C1QTNF7: variants seen among roughly 807,000 people sequenced by gnomAD.
C1QTNF7 encodes the protein complement C1q tumor necrosis factor-related protein 7.
A neutral mutation model predicts 19.6 loss-of-function variants in C1QTNF7; 15 were observed. The ratio of observed to expected loss-of-function variants is 0.76; its 90% CI spans 0.51 to 1.18. C1QTNF7 has a LOEUF of 1.18. Among genes scored for constraint, C1QTNF7 ranks in the 50% most tolerant of loss-of-function variants. C1QTNF7 has a pLI of 0.00. For synonymous variants in C1QTNF7, 142 were observed against 137.5 expected, an observed-to-expected ratio of 1.03 and a Z score of -0.23; for missense variants, 324 against 359.7, an observed-to-expected ratio of 0.90 and a Z score of 0.80.
chr4:15,391,116 C>G (rs907996699), intron 1 of C1QTNF7, among the ~76,000 whole-genome samples: 1 of 151,878 alleles, frequency 6.6e-6, no homozygotes, highest in East Asian at 2.0e-4. Flanking sequence ...TCCAGGTGCT[C>G]TAAGCATACG....
Position 15,349,537 on chromosome 4 carries a change from A to G in C1QTNF7, c.13+9330A>G, listed in dbSNP as rs562876966. Among the ~76,000 whole-genome samples the G allele has an allele frequency of 3.3e-5, 5 of 152,318 alleles. No individual in the cohort carries two copies. The South Asian group carries it at 1.0e-3, about 32-fold the overall frequency. ...AAAGCAAAGCCATGACATGAGGAGGAGGAGGAACAAAATATGTGAACCACA... is the reference window on the plus strand; with the variant it reads ...AAAGCAAAGCCATGACATGAGGAGGGGGAGGAACAAAATATGTGAACCACA... On this transcript the variant is annotated intron_variant, in intron 1 of 2. Transcript: ENST00000295297.
At chr4:15,379,046 T>A (rs1718046658) in intron 1 of C1QTNF7, among the ~76,000 whole-genome samples, 1 of 152,242 alleles carries the variant, frequency 6.6e-6, no homozygotes, top group Non-Finnish European at 1.5e-5. Context: ...AATGAGTATT[T>A]GGTGTGTATA....
upstream of C1QTNF7, among the ~76,000 whole-genome samples, chr4:15,423,870 AT>A (rs1266441521): frequency 1.3e-5 from 2 of 152,038 alleles, no homozygotes; most frequent in Non-Finnish European, 2.9e-5. Flanking sequence ...GTTCTCTCTT[AT>A]TTAGGCAAGT....
chr4:15,401,728 G>C (rs1018083379), intron 1 of C1QTNF7, among the ~76,000 whole-genome samples: 1 of 152,114 alleles, frequency 6.6e-6, no homozygotes, highest in Non-Finnish European at 1.5e-5. Context: ...ATAAGATGAA[G>C]ACCAGTTAAA....
chr4:15,376,538 A>G (rs1260442239), intron 1 of C1QTNF7, among the ~76,000 whole-genome samples: 1 of 152,226 alleles, frequency 6.6e-6, no homozygotes, highest in African/African-American at 2.4e-5. Context: ...AGCAGGGTTC[A>G]TGTAAAGTTT....
At chr4:15,408,707 C>T (rs1468737) in intron 1 of C1QTNF7, among the ~76,000 whole-genome samples, 16,349 of 152,040 alleles carry the variant, frequency 0.11, 1,371 homozygotes, top group African/African-American at 0.2. Flanking sequence ...TTGGATATAC[C>T]TGAACTGGTC....
chr4:15,397,180 C>T (rs1000418605), intron 1 of C1QTNF7, among the ~76,000 whole-genome samples: 3 of 152,174 alleles, frequency 2.0e-5, no homozygotes, highest in African/African-American at 7.2e-5. Context: ...TCCCACAACA[C>T]ATGGGAATTA....
intron 1 of C1QTNF7, among the ~76,000 whole-genome samples, chr4:15,380,050 AC>A (rs1162703687): frequency 1.3e-5 from 2 of 152,172 alleles, no homozygotes; most frequent in Non-Finnish European, 2.9e-5. Context: ...AGTGGACCCA[AC>A]TCTGTTGCAG....
upstream of C1QTNF7, among the ~76,000 whole-genome samples, chr4:15,426,299 A>C (rs560428095): frequency 6.6e-6 from 1 of 152,326 alleles, no homozygotes; most frequent in South Asian, 2.1e-4. Flanking sequence ...CCATCACTTC[A>C]CCACTGCTTC....
intron 2 of C1QTNF7, among the ~76,000 whole-genome samples, chr4:15,437,976 T>G (rs1712602637): frequency 1.3e-5 from 2 of 152,168 alleles, no homozygotes; most frequent in Non-Finnish European, 2.9e-5. Context: ...CATAAGACAT[T>G]GTTCTTGCCT....
intron 1 of C1QTNF7, among the ~76,000 whole-genome samples, chr4:15,345,197 C>T (rs1716674504): frequency 6.6e-6 from 1 of 152,256 alleles, no homozygotes; most frequent in Non-Finnish European, 1.5e-5. Flanking sequence ...ACCTCCACCA[C>T]CTTTAACACT....
At chr4:15,386,685 A>G (rs145930743) in intron 1 of C1QTNF7, among the ~76,000 whole-genome samples, 1 of 152,260 alleles carries the variant, frequency 6.6e-6, no homozygotes, top group East Asian at 1.9e-4. Context: ...GATGCTATAG[A>G]TGGGTATAGG....
upstream of C1QTNF7, among the ~76,000 whole-genome samples, chr4:15,423,845 C>T (rs192816473): frequency 1.8e-3 from 272 of 152,228 alleles, 2 homozygotes; most frequent in Non-Finnish European, 2.3e-3. Context: ...GGTCAGATGT[C>T]ATTCCTTTAG....
chr4:15,364,312 G>A (rs1717438155), intron 1 of C1QTNF7, among the ~76,000 whole-genome samples: 1 of 152,184 alleles, frequency 6.6e-6, no homozygotes, highest in Non-Finnish European at 1.5e-5. Flanking sequence ...GATGTCTGTT[G>A]AATGAATGAA....
At chr4:15,345,619 A>G (rs1265644252) in intron 1 of C1QTNF7, among the ~76,000 whole-genome samples, 1 of 152,228 alleles carries the variant, frequency 6.6e-6, no homozygotes, top group Non-Finnish European at 1.5e-5. Flanking sequence ...AACACTCGTG[A>G]AATGATAAGG....
chr4:15,382,659 C>T (rs150067276), intron 1 of C1QTNF7, among the ~76,000 whole-genome samples: 18 of 152,272 alleles, frequency 1.2e-4, no homozygotes, highest in African/African-American at 4.1e-4. Flanking sequence ...TATTGTAGTA[C>T]AGTTTGCATC....
At chr4:15,396,512 T>C (rs1043600615) in intron 1 of C1QTNF7, among the ~76,000 whole-genome samples, 3 of 152,148 alleles carry the variant, frequency 2.0e-5, no homozygotes, top group African/African-American at 4.8e-5. Flanking sequence ...CAATTATTTA[T>C]TGAGCACCAA....
chr4:15,437,621 G>T (rs971537685), intron 2 of C1QTNF7, among the ~76,000 whole-genome samples: 1 of 152,054 alleles, frequency 6.6e-6, no homozygotes, highest in Admixed American at 6.6e-5. Context: ...CATATATGAG[G>T]CTAACTATAC....
intron 1 of C1QTNF7, among the ~76,000 whole-genome samples, chr4:15,403,366 T>C (rs1236270375): frequency 6.6e-6 from 1 of 152,192 alleles, no homozygotes; most frequent in African/African-American, 2.4e-5. Flanking sequence ...ACATCAGAAA[T>C]TTATTCTCTT....
Sources: gnomAD v4.1 joint callset for allele counts (sites outside exome capture counted in the v4.1 genomes callset) on GRCh38, gnomAD v4.1.1 for gene constraint, MANE v1.5 for transcripts, NCBI Gene and HGNC (gene_info 2026-07-23, HGNC 2026-07-21) for gene names.